RPH3AL: variants seen among roughly 807,000 people sequenced by gnomAD.
The protein encoded by RPH3AL is rabphilin 3A like (without C2 domains), also known as rab effector Noc2.
Under a neutral mutation model 43.1 loss-of-function variants are expected in RPH3AL, and 38 were observed. That is an observed-to-expected ratio of 0.88 (90% confidence interval 0.68 to 1.15). The LOEUF is 1.15. Ranked by LOEUF, RPH3AL falls within the 50% of genes most tolerant of loss-of-function variation. RPH3AL has a pLI of 0.00. For synonymous variants in RPH3AL, 189 were observed against 176.3 expected (o/e 1.07, Z -0.57); for missense variants, 462 against 423.2 (o/e 1.09, Z -0.81).
At chr17:219,591 G>A (rs1262840582) in intron 8 of RPH3AL, 32 bp downstream of exon 8, 10 of 1,283,866 alleles carry the variant, frequency 7.8e-6, no homozygotes, top group Non-Finnish European at 9.9e-6. Flanking sequence ...ACCGTGCCCG[G>A]CCAATAAGCA....
chr17:313,806 A>G (rs375169503), intron 5 of RPH3AL, among the ~76,000 whole-genome samples: 1 of 152,094 alleles, frequency 6.6e-6, no homozygotes, highest in Non-Finnish European at 1.5e-5. Flanking sequence ...TGAACGAATG[A>G]CACCACCTTC....
intron 5 of RPH3AL, among the ~76,000 whole-genome samples, chr17:307,460 C>T (rs1036215055): frequency 4.6e-5 from 7 of 152,238 alleles, no homozygotes; most frequent in East Asian, 3.8e-4. Context: ...GTCTGCCCCA[C>T]GCTCATCCCT....
Position 345,755 on chromosome 17 carries a change from T to G in RPH3AL, c.-213+6957A>C, listed in dbSNP as rs192374086. On this transcript the variant is annotated intron_variant, in intron 1 of 9. Transcript: ENST00000331302. The stretch of plus-strand genomic sequence containing the variant: ...GGGGCACGCGTGCTCCCCATCTGCG[T>G]GCACACCCTGCTGGGGCACGCGTGC... Among the ~76,000 whole-genome samples the G allele has an allele frequency of 7.2e-3, 841 of 117,344 alleles. 87 individuals are homozygous for G. Among genetic ancestry groups the G allele is most frequent in the African/African-American group, 0.024 (807 of 33,942 alleles). The allele number at this position is 117,344 out of a possible 152,430, so 77.0% of individuals were successfully genotyped here.
chr17:265,183 C>A (rs1271422472), intron 6 of RPH3AL, among the ~76,000 whole-genome samples: 1 of 152,182 alleles, frequency 6.6e-6, no homozygotes, highest in Non-Finnish European at 1.5e-5. Context: ...ACCTCCGAGG[C>A]TCAATCGATC....
At chr17:314,342 T>A (rs900158244) in intron 5 of RPH3AL, among the ~76,000 whole-genome samples, 1 of 151,818 alleles carries the variant, frequency 6.6e-6, no homozygotes, top group Admixed American at 6.6e-5. Context: ...CACTGCCAGC[T>A]CCCGTTCTCC....
intron 5 of RPH3AL, among the ~76,000 whole-genome samples, chr17:314,055 C>T (rs193129770): frequency 2.0e-4 from 31 of 152,186 alleles, no homozygotes; most frequent in Admixed American, 2.0e-4. Flanking sequence ...AGCGTGGGGA[C>T]CCACATCCAG....
intron 7 of RPH3AL, among the ~76,000 whole-genome samples, chr17:231,732 C>G (rs1388016555): frequency 6.6e-6 from 1 of 152,258 alleles, no homozygotes; most frequent in Non-Finnish European, 1.5e-5. Flanking sequence ...CCCCACTCTC[C>G]CAGTTCAGCT....
intron 1 of RPH3AL, among the ~76,000 whole-genome samples, chr17:347,625 C>G (rs181342061): frequency 6.6e-6 from 1 of 151,786 alleles, no homozygotes; most frequent in Non-Finnish European, 1.5e-5. Flanking sequence ...TAGTTTGTTA[C>G]AAAGTTGACT....
chr17:228,926 G>C (rs1288903074), intron 7 of RPH3AL, among the ~76,000 whole-genome samples: 1 of 152,170 alleles, frequency 6.6e-6, no homozygotes, highest in Admixed American at 6.5e-5. Context: ...CTCTGGTCCT[G>C]CCTTGGATGC....
chr17:280,674 A>G (rs980803804), intron 6 of RPH3AL, among the ~76,000 whole-genome samples: 8 of 152,328 alleles, frequency 5.3e-5, no homozygotes, highest in Non-Finnish European at 1.0e-4. Flanking sequence ...ACCAATGGGG[A>G]ATTGATCTCA....
At chr17:314,701 T>C (rs1379383476) in intron 5 of RPH3AL, among the ~76,000 whole-genome samples, 2,882 of 123,892 alleles carry the variant, frequency 0.023, 86 homozygotes, top group Non-Finnish European at 0.032. Flanking sequence ...CATTGACCTG[T>C]AGTCTCTGTG....
chr17:288,807 G>A (rs368118215), intron 5 of RPH3AL, among the ~76,000 whole-genome samples: 26 of 4,424 alleles, frequency 5.9e-3, no homozygotes, highest in South Asian at 0.016. Flanking sequence ...GTCAGACCTC[G>A]CACCCTCTCT....
Position 247,146 on chromosome 17 carries a change from T to G in RPH3AL, c.578A>C (p.Glu193Ala). The G allele has an allele frequency of 6.2e-7, 1 of 1,610,992 alleles. No homozygotes were observed. Among genetic ancestry groups the G allele is most frequent in the Non-Finnish European group, 8.5e-7 (1 of 1,178,780 alleles). ...EPAEREPRSS[E>A]TSRIYTWARG... is the part of the protein sequence containing the mutation. ...GGCCCACGTGTAGATGCGGCTGGTC[T>G]CAGAGCTTCTGGGCTCTCGCTCTGC... Residue 193 changes from glutamate (E) to alanine (A), a missense_variant, in exon 7 of 10, where the codon GAG becomes GCG. Transcript: ENST00000331302.
intron 6 of RPH3AL, among the ~76,000 whole-genome samples, chr17:253,439 T>A (rs574713675): frequency 1.3e-5 from 2 of 152,282 alleles, no homozygotes; most frequent in South Asian, 4.1e-4. Flanking sequence ...CTCATGGACT[T>A]CCGAGCTGCT....
At chr17:242,903 C>T (rs2041602477) in intron 7 of RPH3AL, among the ~76,000 whole-genome samples, 1 of 139,506 alleles carries the variant, frequency 7.2e-6, no homozygotes, top group Non-Finnish European at 1.6e-5. Context: ...TATTGACTAC[C>T]TTCCTCTATT....
At chr17:303,107 C>T (rs961942493) in intron 5 of RPH3AL, among the ~76,000 whole-genome samples, 10 of 152,310 alleles carry the variant, frequency 6.6e-5, no homozygotes, top group Admixed American at 2.6e-4. Context: ...GAACTAACAA[C>T]GTAACTGTAT....
intron 1 of RPH3AL, among the ~76,000 whole-genome samples, chr17:345,991 G>A (rs1180928844): frequency 1.5e-5 from 2 of 135,466 alleles, no homozygotes; most frequent in African/African-American, 5.1e-5. Flanking sequence ...TGAAAGGTTT[G>A]TCTGTCAATG....
In RPH3AL at chr17:235,881, T is replaced by C. The variant is rs868245966; in HGVS notation, c.613+11230A>G. 9.2e-3 allele frequency among the ~76,000 whole-genome samples: 972 copies of C among 105,224 alleles called. 15 individuals carry two copies. The highest frequency in any genetic ancestry group is 0.013 in the Non-Finnish European group (636 of 50,322). 69.0% of individuals were successfully genotyped at this position (105,224 alleles called of 152,430 possible). A position where few individuals can be genotyped will look rare whatever the true frequency, so the allele number is the denominator to read the frequency against. ...TCAAAGCTGGGGTCGGCCGAGGCTC[T>C]GCAGTAACAAGAGGGATACAGGGTT... is the stretch of plus-strand genomic sequence containing the variant. On this transcript the variant is annotated intron_variant, in intron 7 of 9. Coordinates refer to ENST00000331302, the MANE Select transcript of RPH3AL (RefSeq NM_006987.4).
intron 6 of RPH3AL, among the ~76,000 whole-genome samples, chr17:270,286 C>A (rs918013666): frequency 9.9e-5 from 15 of 152,204 alleles, no homozygotes; most frequent in Non-Finnish European, 1.5e-5. Flanking sequence ...ACAGCAGAAC[C>A]AGGAGAGAAA....
Sources: gnomAD v4.1 joint callset for allele counts (sites outside exome capture counted in the v4.1 genomes callset) on GRCh38, gnomAD v4.1.1 for gene constraint, MANE v1.5 for transcripts, NCBI Gene and HGNC (gene_info 2026-07-23, HGNC 2026-07-21) for gene names.